Variants in CSMD1 observed in about 807,000 individuals in gnomAD.
CSMD1 encodes CUB and Sushi multiple domains 1, also known as CUB and sushi domain-containing protein 1.
Under a neutral mutation model 417.5 loss-of-function variants are expected in CSMD1, and 213 were observed. The observed-to-expected ratio is 0.51, with a 90% CI of 0.46 to 0.57. CSMD1 has a LOEUF of 0.57. Among genes scored for constraint, CSMD1 ranks in the 20% least tolerant of loss-of-function variants. The pLI is 0.00. For missense variants in CSMD1, 6,923 were observed against 4,529.7 expected, an observed-to-expected ratio of 1.53 and a Z score of -15.17; for synonymous variants, 2,862 against 1,736.8, an observed-to-expected ratio of 1.65 and a Z score of -16.11.
chr8:4,395,768 G>T (rs1365998783), intron 3 of CSMD1, among the ~76,000 whole-genome samples: 3 of 151,212 alleles, frequency 2.0e-5, no homozygotes, highest in African/African-American at 7.3e-5. Context: ...AAAAAAAAAT[G>T]CTAAGTGGAA....
At chr8:4,774,139 G>A (rs1378335146) in intron 1 of CSMD1, among the ~76,000 whole-genome samples, 1 of 152,198 alleles carries the variant, frequency 6.6e-6, no homozygotes, top group Non-Finnish European at 1.5e-5. Flanking sequence ...GGTGGAGGTG[G>A]CAGTGAGCCA....
At chr8:3,842,373 T>C (rs57732479) in intron 5 of CSMD1, among the ~76,000 whole-genome samples, 9,048 of 152,178 alleles carry the variant, frequency 0.059, 314 homozygotes, top group South Asian at 0.072. Flanking sequence ...TAATAATGTA[T>C]ACTTAAACAA....
At chr8:4,226,541 A>G (rs1220557866) in intron 3 of CSMD1, among the ~76,000 whole-genome samples, 1 of 152,196 alleles carries the variant, frequency 6.6e-6, no homozygotes, top group Non-Finnish European at 1.5e-5. Context: ...TTGATCCTAA[A>G]AAATCATGGA....
At chr8:4,004,932 G>T (rs1039360842) in intron 4 of CSMD1, among the ~76,000 whole-genome samples, 1 of 152,068 alleles carries the variant, frequency 6.6e-6, no homozygotes, top group Non-Finnish European at 1.5e-5. Context: ...TTTTAGTAGA[G>T]ACAGGGTTTC....
At chr8:4,899,226 C>T (rs1477709337) in intron 1 of CSMD1, among the ~76,000 whole-genome samples, 5 of 152,154 alleles carry the variant, frequency 3.3e-5, no homozygotes, top group Admixed American at 6.5e-5. Context: ...GAAGCAAATA[C>T]TTCAGAGAAG....
At chr8:3,160,082 G>A (rs1490549749) in intron 38 of CSMD1, among the ~76,000 whole-genome samples, 4 of 152,136 alleles carry the variant, frequency 2.6e-5, no homozygotes, top group Non-Finnish European at 5.9e-5. Context: ...AGATTGAGGT[G>A]TCCCTCTAAA....
At chr8:4,895,847 T>C (rs931366946) in intron 1 of CSMD1, among the ~76,000 whole-genome samples, 3 of 152,144 alleles carry the variant, frequency 2.0e-5, no homozygotes, top group South Asian at 4.1e-4. Flanking sequence ...TACCACGATA[T>C]TATTTATCTT....
chr8:4,478,757 T>G (rs1054657629), intron 2 of CSMD1, among the ~76,000 whole-genome samples: 5 of 152,210 alleles, frequency 3.3e-5, no homozygotes, highest in Non-Finnish European at 7.3e-5. Flanking sequence ...TAGAAATTCA[T>G]AAAATATGTA....
intron 3 of CSMD1, among the ~76,000 whole-genome samples, chr8:4,114,254 C>G (rs927276875): frequency 1.3e-5 from 2 of 152,134 alleles, no homozygotes; most frequent in South Asian, 2.1e-4. Context: ...AATCCTAGGG[C>G]TCTTAAGAAT....
chr8:3,034,347 G>T (rs569755470), intron 50 of CSMD1, among the ~76,000 whole-genome samples: 20 of 152,210 alleles, frequency 1.3e-4, no homozygotes, highest in Admixed American at 1.2e-3. Flanking sequence ...GAGATCAAAG[G>T]GACTTAGGAG....
chr8:3,851,261 C>G (rs1803887197), intron 5 of CSMD1, among the ~76,000 whole-genome samples: 2 of 152,292 alleles, frequency 1.3e-5, no homozygotes, highest in Non-Finnish European at 2.9e-5. Flanking sequence ...GGGTGCATAT[C>G]AGGGCAACAC....
chr8:4,026,181 T>A (rs1325439798), intron 4 of CSMD1, among the ~76,000 whole-genome samples: 1 of 152,194 alleles, frequency 6.6e-6, no homozygotes, highest in African/African-American at 2.4e-5. Flanking sequence ...AAGAATTAGA[T>A]CATTTTTTCT....
intron 8 of CSMD1, 21 bp from the exon 9 acceptor site, chr8:3,586,281 A>AG: frequency 1.3e-6 from 2 of 1,552,502 alleles, no homozygotes; most frequent in Non-Finnish European, 1.7e-6. Context: ...AAAAAAGAAA[A>AG]AAAAAAACCC....
intron 3 of CSMD1, among the ~76,000 whole-genome samples, chr8:4,370,335 G>T (rs531667909): frequency 5.3e-4 from 81 of 152,102 alleles, no homozygotes; most frequent in African/African-American, 1.8e-3. Flanking sequence ...GGGTCCCTTT[G>T]TAAGTGACCT....
At chr8:4,307,863 C>T (rs146152922) in intron 3 of CSMD1, among the ~76,000 whole-genome samples, 1 of 152,102 alleles carries the variant, frequency 6.6e-6, no homozygotes, top group Non-Finnish European at 1.5e-5. Flanking sequence ...GAAATCTTCA[C>T]TGAGCAAGAA....
chr8:3,985,165 G>A (rs1290773935), intron 5 of CSMD1, among the ~76,000 whole-genome samples: 1 of 152,068 alleles, frequency 6.6e-6, no homozygotes, highest in Non-Finnish European at 1.5e-5. Flanking sequence ...TGCCAGCTGA[G>A]CCTTCCTTGT....
At chr8:4,327,857 T>C (rs1184331952) in intron 3 of CSMD1, among the ~76,000 whole-genome samples, 1 of 152,214 alleles carries the variant, frequency 6.6e-6, no homozygotes, top group African/African-American at 2.4e-5. Context: ...AGATGACACA[T>C]TTTGTAAAAC....
In CSMD1 at chr8:4,525,011, C is replaced by T. The variant is rs190278199; in HGVS notation, c.303-104946G>A. Among the ~76,000 whole-genome samples the T allele has an allele frequency of 7.6e-3, 1,154 of 152,212 alleles. 6 individuals are homozygous for T. Among genetic ancestry groups the T allele is most frequent in the Non-Finnish European group, 0.013 (883 of 68,000 alleles). On this transcript the variant is annotated intron_variant, in intron 2 of 69. Transcript: ENST00000635120. The stretch of plus-strand genomic sequence containing the variant: ...TTACTAGGTTTGTGCAAAATAATTG[C>T]AGTTTATATTTTGAATCAAGACATT...
At chr8:4,308,188 G>C (rs1355879041) in intron 3 of CSMD1, among the ~76,000 whole-genome samples, 3 of 152,142 alleles carry the variant, frequency 2.0e-5, no homozygotes. Flanking sequence ...CTGTGAGTTA[G>C]GAGGTGAAGT....
Sources: gnomAD v4.1 joint callset for allele counts (sites outside exome capture counted in the v4.1 genomes callset) on GRCh38, gnomAD v4.1.1 for gene constraint, MANE v1.5 for transcripts, NCBI Gene and HGNC (gene_info 2026-07-23, HGNC 2026-07-21) for gene names.